The following DAB1 variants were observed in gnomAD, a reference collection of about 807,000 sequenced individuals.
The protein encoded by DAB1 is disabled homolog 1.
DAB1 carries 15 observed loss-of-function variants against 64.6 expected under a neutral mutation model. That is an observed-to-expected ratio of 0.23 (90% CI 0.16 to 0.36). DAB1 has a LOEUF of 0.36. Among genes scored for constraint, DAB1 ranks in the 10% least tolerant of loss-of-function variants. The pLI, the probability that DAB1 is intolerant of heterozygous loss-of-function variation, is 1.00. For missense variants in DAB1, 596 were observed against 706.7 expected, an observed-to-expected ratio of 0.84 and a Z score of 1.78; for synonymous variants, 235 against 251.9, an observed-to-expected ratio of 0.93 and a Z score of 0.64.
At chr1:57,989,044 T>C (rs1458795191) in intron 5 of DAB1, among the ~76,000 whole-genome samples, 3 of 152,174 alleles carry the variant, frequency 2.0e-5, no homozygotes, top group African/African-American at 7.2e-5. Context: ...GAGCACAGAC[T>C]TGAAGTCAAG....
chr1:57,212,588 C>T (rs1280776595), intron 2 of DAB1, among the ~76,000 whole-genome samples: 3 of 151,764 alleles, frequency 2.0e-5, no homozygotes, highest in Non-Finnish European at 4.4e-5. Flanking sequence ...AGGATGTTCT[C>T]GATCTCCTAA....
chr1:57,428,858 A>AAAAAC (rs1558369270), upstream of DAB1, among the ~76,000 whole-genome samples: 4 of 135,256 alleles, frequency 3.0e-5, no homozygotes, highest in African/African-American at 8.2e-5. Context: ...AAAAAAAAAA[A>AAAAAC]AACAGCAACC....
intron 3 of DAB1, chr1:58,468,638 A>G (rs1457588571): frequency 6.6e-6 from 1 of 152,392 alleles, no homozygotes; most frequent in Non-Finnish European, 1.5e-5. Flanking sequence ...CCTTCAGACC[A>G]TGATGTGAGT....
In DAB1 at chr1:57,553,473, A is replaced by AAAGGAAGGAAGGAAGGAAGG. The variant is rs71051238; in HGVS notation, n.625+96099_625+96118dup. Among the ~76,000 whole-genome samples the AAAGGAAGGAAGGAAGGAAGG allele has an allele frequency of 9.4e-4, 24 of 25,652 alleles. 1 individual carries two copies. The highest frequency in any genetic ancestry group is 4.7e-3 in the Non-Finnish European group (23 of 4,852). The allele number at this position is 25,652 out of a possible 152,430, so 16.8% of individuals were successfully genotyped here. On this transcript the variant is annotated intron_variant and non_coding_transcript_variant, in intron 7 of 20. Transcript: ENST00000485760. ...GAAAGAAAGAAAGAGAAAGGGAAAG[A>AAAGGAAGGAAGGAAGGAAGG]AAGGAAGGAAGGAAGGAAGGAAGGA...
At chr1:58,300,592 GAAAGAAAGA>G (rs1557725997) in intron 4 of DAB1, among the ~76,000 whole-genome samples, 3 of 33,900 alleles carry the variant, frequency 8.8e-5, no homozygotes, top group African/African-American at 3.0e-4. Flanking sequence ...AAGAAAGAAA[GAAAGAAAGA>G]AAGAAAGAAA....
intron 1 of DAB1, among the ~76,000 whole-genome samples, chr1:57,836,705 C>A (rs1373937555): frequency 1.3e-5 from 2 of 152,218 alleles, no homozygotes; most frequent in Non-Finnish European, 2.9e-5. Flanking sequence ...GGGCAATAAA[C>A]ACAGCAAGGG....
chr1:57,524,304 A>G (rs1032968590), intron 7 of DAB1, among the ~76,000 whole-genome samples: 1 of 152,252 alleles, frequency 6.6e-6, no homozygotes, highest in African/African-American at 2.4e-5. Flanking sequence ...ACTTAGGGGA[A>G]AAGGCTTACA....
chr1:57,417,006 A>G (rs1020788773), intron 1 of DAB1, among the ~76,000 whole-genome samples: 5 of 152,164 alleles, frequency 3.3e-5, no homozygotes, highest in Non-Finnish European at 7.4e-5. Context: ...TATTATATAT[A>G]CAGTAATGAG....
rs55782137 is a variant in DAB1, at chr1:57,659,978, AAAATAAAT to A, written n.552-10321_552-10314del. 4.0e-3 allele frequency among the ~76,000 whole-genome samples: 557 copies of A among 138,746 alleles called. 5 individuals are homozygous for A. Among genetic ancestry groups the A allele is most frequent in the African/African-American group, 9.3e-3 (350 of 37,742 alleles). 91.0% of individuals were successfully genotyped at this position (138,746 alleles called of 152,430 possible). ...GTCAACAGAGCAAGGCTCTCTCTCA[AAAATAAAT>A]AAATAAATAAATAAATAAATAAATA... On this transcript the variant is annotated intron_variant and non_coding_transcript_variant, in intron 6 of 20. Coordinates refer to the DAB1 transcript ENST00000485760.
chr1:57,187,515 C>T (rs1188732578), intron 2 of DAB1, among the ~76,000 whole-genome samples: 2 of 152,186 alleles, frequency 1.3e-5, no homozygotes, highest in African/African-American at 4.8e-5. Flanking sequence ...TAAATGAATA[C>T]AGAACTGCCT....
intron 7 of DAB1, among the ~76,000 whole-genome samples, chr1:57,430,825 G>C (rs1685476644): frequency 1.3e-5 from 2 of 151,110 alleles, no homozygotes; most frequent in South Asian, 4.2e-4. Flanking sequence ...ATTTTAATAA[G>C]AAAGGTCTAT....
At chr1:58,542,475 C>G (rs1199665444) in intron 1 of DAB1, 2 of 152,066 alleles carry the variant, frequency 1.3e-5, no homozygotes, top group Admixed American at 6.5e-5. Flanking sequence ...TTATTAAATA[C>G]TACATACTGT....
intron 4 of DAB1, among the ~76,000 whole-genome samples, chr1:58,168,070 C>T (rs1655960403): frequency 6.6e-6 from 1 of 152,194 alleles, no homozygotes; most frequent in Admixed American, 6.5e-5. Context: ...ACTTGCTATT[C>T]TGTCCTATTT....
At chr1:58,529,473 A>C (rs906116941) in intron 1 of DAB1, among the ~76,000 whole-genome samples, 2 of 152,224 alleles carry the variant, frequency 1.3e-5, no homozygotes, top group Non-Finnish European at 2.9e-5. Flanking sequence ...CATTTTTGAG[A>C]TGATTATTAT....
chr1:57,307,234 G>A (rs983457605), intron 1 of DAB1: 4 of 152,210 alleles, frequency 2.6e-5, no homozygotes, highest in Non-Finnish European at 4.4e-5. Flanking sequence ...CATGGTTGGA[G>A]ATGATATAAG....
At chr1:58,208,151 C>T (rs949027834) in intron 4 of DAB1, among the ~76,000 whole-genome samples, 8 of 152,144 alleles carry the variant, frequency 5.3e-5, no homozygotes, top group African/African-American at 1.9e-4. Flanking sequence ...CTGGGTCCCT[C>T]TCATGACACA....
intron 7 of DAB1, among the ~76,000 whole-genome samples, chr1:57,566,515 C>T (rs1005890625): frequency 3.3e-5 from 5 of 151,686 alleles, no homozygotes; most frequent in Middle Eastern, 3.2e-3. Flanking sequence ...TCAACAAAAT[C>T]GATAGACCGC....
intron 1 of DAB1, among the ~76,000 whole-genome samples, chr1:57,291,459 G>C (rs1273328723): frequency 1.3e-5 from 2 of 152,140 alleles, no homozygotes; most frequent in Non-Finnish European, 2.9e-5. Context: ...TCAAGCACTA[G>C]ATCCCAACCA....
chr1:58,290,654 G>A (rs939792621), intron 4 of DAB1, among the ~76,000 whole-genome samples: 1 of 152,152 alleles, frequency 6.6e-6, no homozygotes, highest in Non-Finnish European at 1.5e-5. Flanking sequence ...CTCTGAATAT[G>A]TCTCCAGAAA....
Sources: allele counts gnomAD v4.1 joint callset (sites outside exome capture counted in the v4.1 genomes callset), GRCh38; gene constraint gnomAD v4.1.1; transcripts MANE v1.5; gene names NCBI Gene and HGNC (gene_info 2026-07-23, HGNC 2026-07-21).